Variants in PES1 observed in about 807,000 individuals in gnomAD.
The protein encoded by PES1 is pescadillo homolog.
PES1 carries 31 observed loss-of-function variants against 77.1 expected under a neutral mutation model. That is an observed-to-expected ratio of 0.40 (90% confidence interval 0.30 to 0.54). The LOEUF (loss-of-function observed/expected upper bound fraction) is 0.54. Among genes scored for constraint, PES1 ranks in the 20% least tolerant of loss-of-function variants. PES1 has a pLI of 0.45. For synonymous variants in PES1, 282 were observed against 303.0 expected, an observed-to-expected ratio of 0.93 and a Z score of 0.72; for missense variants, 658 against 771.7, an observed-to-expected ratio of 0.85 and a Z score of 1.75.
At position 30,587,300 on chromosome 22, in the gene PES1, G is replaced by A. The variant is rs138927682; in HGVS notation, c.354C>T (p.His118=). The A allele has an allele frequency of 5.5e-5, 88 of 1,611,152 alleles. No homozygotes were observed. In the African/African-American group the frequency reaches 1.1e-3, roughly 21 times the overall value. ...GCCCGGCTCACCGTTCCTTGATGAT[G>A]TGGTCGAGTTTGTAGTTGGGCTTAT... ...KDNKPNYKLD[H]IIKERYPTFI... The change falls in exon 4 of 15, where the codon CAC becomes CAT. Residue 118 remains histidine, a synonymous_variant. Transcript: ENST00000354694.
intron 8 of PES1, 33 bp downstream of exon 8, chr22:30,581,301 G>A (rs1265835261): frequency 6.2e-7 from 1 of 1,605,780 alleles, no homozygotes; most frequent in African/African-American, 1.3e-5. Flanking sequence ...ACTCCCTTGG[G>A]AGATGCCGGA....
In PES1 at chr22:30,588,007, A is replaced by G; in HGVS notation, c.258+14T>C. 1.2e-6 allele frequency: 2 copies of G among 1,612,932 alleles called. No homozygotes were observed. Among genetic ancestry groups the G allele is most frequent in the East Asian group, 2.2e-5 (1 of 44,886 alleles). ...GCGATGAGAACCTGACAGACCCTAG[A>G]GCCCAGACCTCACCTTGTATTCACG... On this transcript the variant is annotated intron_variant, in intron 3 of 14. Coordinates refer to ENST00000354694, the MANE Select transcript of PES1 (RefSeq NM_014303.4).
intron 6 of PES1, 140 bp from the exon 7 acceptor site, chr22:30,581,784 G>A (rs1457454208): frequency 1.5e-6 from 1 of 656,584 alleles, no homozygotes. Flanking sequence ...TTAAGGCGCT[G>A]CCCTAGGGAA....
At chr22:30,597,630 A>C (rs983989621) in intron 2 of PES1, among the ~76,000 whole-genome samples, 1 of 151,706 alleles carries the variant, frequency 6.6e-6, no homozygotes. Context: ...AAATACACCA[A>C]TTAGCACTCT....
intron 2 of PES1, among the ~76,000 whole-genome samples, chr22:30,597,969 C>T (rs1489869309): frequency 4.7e-5 from 7 of 148,620 alleles, no homozygotes; most frequent in Non-Finnish European, 8.9e-5. Flanking sequence ...CTGCAAGCTC[C>T]GCTTCCCGGG....
In PES1 at chr22:30,584,419, G is replaced by T; in HGVS notation, c.576C>A (p.Ala192=). 6.2e-7 allele frequency: 1 copy of T among 1,612,490 alleles called. No individual in the cohort carries two copies. The highest frequency in any genetic ancestry group is 8.5e-7 in the Non-Finnish European group (1 of 1,179,268). Residue 192 remains alanine, a synonymous_variant, in exon 6 of 15, where the codon GCC becomes GCA. Transcript: ENST00000354694. ...ACACGATGGGCTGCCCCAGTACCTC[G>T]GCCTGGTAGTAAATGCCTTTGATGG... ...FLSIKGIYYQ[A]EVLGQPIVWI...
chr22:30,599,529 C>T (rs2087321969), intron 2 of PES1, among the ~76,000 whole-genome samples: 1 of 152,186 alleles, frequency 6.6e-6, no homozygotes, highest in Admixed American at 6.5e-5. Context: ...ATCTGATAGT[C>T]ACAGGCTGTA....
intron 3 of PES1, among the ~76,000 whole-genome samples, 193 bp from the exon 4 acceptor site, chr22:30,587,588 G>C (rs2087111743): frequency 6.6e-6 from 1 of 152,194 alleles, no homozygotes; most frequent in Non-Finnish European, 1.5e-5. Flanking sequence ...CAAGCCTGGT[G>C]TGTTAACCAG....
At chr22:30,585,978 T>C (rs1289202123) in intron 4 of PES1, among the ~76,000 whole-genome samples, 1 of 152,226 alleles carries the variant, frequency 6.6e-6, no homozygotes. Flanking sequence ...CTCTGGTGCC[T>C]TGTAGTTTCC....
rs899476516 is a variant in PES1 at position 30,579,660 on chromosome 22, C to G, written c.1354+91G>C. ...TTCAAAGGGCTTTCTGCTCCTACTG[C>G]CTGTTCCCTGGAGCTTTCCACCTTG... On this transcript the variant is annotated intron_variant, in intron 12 of 14. Coordinates refer to ENST00000354694, the MANE Select transcript of PES1 (RefSeq NM_014303.4). The G allele has an allele frequency of 1.0e-4, 131 of 1,275,542 alleles. No homozygotes were observed. In the Admixed American group the frequency reaches 2.4e-3, roughly 23 times the overall value. 79.0% of individuals were successfully genotyped at this position (1,275,542 alleles called of 1,614,324 possible). A position where few individuals can be genotyped will look rare whatever the true frequency, so the allele number is the denominator to read the frequency against.
intron 2 of PES1, among the ~76,000 whole-genome samples, chr22:30,598,673 C>T (rs1021940707): frequency 1.3e-5 from 2 of 151,960 alleles, no homozygotes; most frequent in Non-Finnish European, 2.9e-5. Flanking sequence ...AAGTGACCCC[C>T]GCACCTCGGC....
chr22:30,597,214 C>G (rs182762539), intron 2 of PES1, among the ~76,000 whole-genome samples: 1 of 151,952 alleles, frequency 6.6e-6, no homozygotes, highest in South Asian at 2.1e-4. Flanking sequence ...CCCCAGCGCC[C>G]GGTCACATCA....
chr22:30,583,661 C>G (rs1016973967), intron 6 of PES1, among the ~76,000 whole-genome samples: 5 of 152,248 alleles, frequency 3.3e-5, no homozygotes, highest in Non-Finnish European at 7.3e-5. Context: ...CTGTGGCTCA[C>G]GCCTATAATC....
intron 2 of PES1, among the ~76,000 whole-genome samples, chr22:30,597,639 C>G (rs1219778109): frequency 1.3e-5 from 2 of 151,630 alleles, no homozygotes; most frequent in African/African-American, 4.9e-5. Context: ...AATTAGCACT[C>G]TGTATCTAGC....
chr22:30,580,435 C>T, intron 10 of PES1, 136 bp downstream of exon 10: 3 of 1,255,842 alleles, frequency 2.4e-6, no homozygotes, highest in Non-Finnish European at 3.4e-6. Flanking sequence ...CAGTGCGGTG[C>T]CGAGCACTTT....
rs1404617050 is a variant in PES1, at chr22:30,584,387, G to A, written c.608C>T (p.Thr203Ile). The change falls in exon 6 of 15, where the codon ACT becomes ATT. Residue 203 changes from threonine to isoleucine, a missense_variant. Thr to Ile is a moderately conservative substitution (Grantham distance 89). Transcript: ENST00000354694. ...EVLGQPIVWI[T>I]PYAFSHDHPT... ...CACGTCATGGGAGAAGGCATAGGGA[G>A]TGATCCACACGATGGGCTGCCCCAG... 1.9e-6 allele frequency: 3 copies of A among 1,611,456 alleles called. No individual in the cohort carries two copies. The East Asian group carries it at 6.7e-5, about 36-fold the overall frequency.
At chr22:30,578,797 G>A (rs1454707745) in intron 14 of PES1, 40 bp downstream of exon 14, 1 of 1,607,838 alleles carries the variant, frequency 6.2e-7, no homozygotes, top group East Asian at 2.2e-5. Flanking sequence ...GTTGGGTCTG[G>A]TGGCCACACC....
upstream of PES1, chr22:30,592,134 T>C: frequency 6.6e-6 from 8 of 1,213,746 alleles, no homozygotes; most frequent in Non-Finnish European, 8.2e-6. Context: ...GTAATCACCC[T>C]GATGACGATT....
chr22:30,597,105 C>A (rs1323904957), intron 2 of PES1, among the ~76,000 whole-genome samples: 1 of 152,180 alleles, frequency 6.6e-6, no homozygotes, highest in Non-Finnish European at 1.5e-5. Context: ...CCCCGTGGGG[C>A]AGGGCTCAGG....
Sources: gnomAD v4.1 joint callset for allele counts (sites outside exome capture counted in the v4.1 genomes callset) on GRCh38, gnomAD v4.1.1 for gene constraint, MANE v1.5 for transcripts, NCBI Gene and HGNC (gene_info 2026-07-23, HGNC 2026-07-21) for gene names.